The following GALNT10 variants were observed in gnomAD, a reference collection of about 807,000 sequenced individuals.
GALNT10 encodes polypeptide N-acetylgalactosaminyltransferase 10.
In GALNT10, 41 loss-of-function variants were observed where a neutral mutation model predicts 75.0. The observed-to-expected ratio is 0.55, with a 90% CI of 0.43 to 0.71. GALNT10 has a LOEUF of 0.71. Ranked by LOEUF, GALNT10 falls within the 30% of genes least tolerant of loss-of-function variation. GALNT10 has a pLI of 0.00. For missense variants in GALNT10, 727 were observed against 818.5 expected, an observed-to-expected ratio of 0.89 and a Z score of 1.36; for synonymous variants, 302 against 313.0, an observed-to-expected ratio of 0.96 and a Z score of 0.37.
Position 154,213,582 on chromosome 5 carries a change from A to G in GALNT10, c.159+22557A>G, listed in dbSNP as rs543990806. On this transcript the variant is annotated intron_variant, in intron 1 of 11. Transcript: ENST00000297107. ...TCACAGGATATCAGTCATTCAGGAT[A>G]CAAGTCTATGCCGTGGGGTTATTTT... Among the ~76,000 whole-genome samples the G allele has an allele frequency of 5.9e-5, 9 of 152,280 alleles. No homozygotes were observed. In the South Asian group the frequency reaches 1.7e-3, roughly 28 times the overall value.
At chr5:154,337,483 T>G (rs559484652) in intron 4 of GALNT10, 1 of 722,668 alleles carries the variant, frequency 1.4e-6, no homozygotes, top group African/African-American at 1.7e-5. Context: ...CTCCTGCCAC[T>G]GCCATGGCTA....
Position 154,208,386 on chromosome 5 carries a change from C to T in GALNT10, c.159+17361C>T, listed in dbSNP as rs377410322. Reference sequence around the variant, plus strand: ...CTCTACCTGCCCCTCCCACTCACCTCAGGCTTATAAAGCCATGGATTTGCC... The same window carrying T: ...CTCTACCTGCCCCTCCCACTCACCTTAGGCTTATAAAGCCATGGATTTGCC... On this transcript the variant is annotated intron_variant, in intron 1 of 11. Transcript: ENST00000297107. Among the ~76,000 whole-genome samples, 16 of 152,350 alleles carry T rather than the reference C, an allele frequency of 1.1e-4. No individual in the cohort carries two copies. The East Asian group carries it at 1.4e-3, about 13-fold the overall frequency.
At position 154,418,538 on chromosome 5, in the gene GALNT10, A is replaced by T. The variant is rs887540361; in HGVS notation, c.*1566A>T. 6.6e-6 allele frequency: 1 copy of T among 152,204 alleles called. No homozygotes were observed. Among genetic ancestry groups the T allele is most frequent in the Non-Finnish European group, 1.5e-5 (1 of 68,040 alleles). 9.4% of individuals were successfully genotyped at this position (152,204 alleles called of 1,614,324 possible). A position where few individuals can be genotyped will look rare whatever the true frequency, so the allele number is the denominator to read the frequency against. On this transcript the variant is annotated 3_prime_UTR_variant, in exon 12 of 12. Coordinates refer to ENST00000297107, the MANE Select transcript of GALNT10 (RefSeq NM_198321.4). ...AATACTTGAAATCAGCATTCCAATTAGTGTTGAGTCTCTTGATTGTGTCAT... is the reference window on the plus strand; with the variant it reads ...AATACTTGAAATCAGCATTCCAATTTGTGTTGAGTCTCTTGATTGTGTCAT...
At chr5:154,209,059 C>T (rs1775153767) in intron 1 of GALNT10, among the ~76,000 whole-genome samples, 1 of 152,226 alleles carries the variant, frequency 6.6e-6, no homozygotes, top group African/African-American at 2.4e-5. Context: ...GGAAGACATT[C>T]TGCTACAAAA....
chr5:154,295,080 CCT>C (rs1338658264), intron 2 of GALNT10, among the ~76,000 whole-genome samples, 162 bp downstream of exon 2: 2 of 152,030 alleles, frequency 1.3e-5, no homozygotes, highest in African/African-American at 4.8e-5. Context: ...CATCCCTTCC[CCT>C]GATTCCCAGA....
chr5:154,218,060 G>A, intron 1 of GALNT10: 1 of 985,164 alleles, frequency 1.0e-6, no homozygotes, highest in Non-Finnish European at 1.2e-6. Context: ...GGGCACTGCT[G>A]TTCGACTGAG....
intron 3 of GALNT10, among the ~76,000 whole-genome samples, chr5:154,305,478 A>C (rs1278423033): frequency 6.6e-6 from 1 of 152,224 alleles, no homozygotes; most frequent in Non-Finnish European, 1.5e-5. Context: ...ACACACTTTA[A>C]ATGTAGAGAT....
chr5:154,191,578 G>A (rs935764303), intron 1 of GALNT10, among the ~76,000 whole-genome samples: 4 of 151,922 alleles, frequency 2.6e-5, no homozygotes, highest in Non-Finnish European at 5.9e-5. Flanking sequence ...CCCAACTCTA[G>A]CCTTTTCCTT....
chr5:154,399,508 G>C (rs2113206035), intron 7 of GALNT10, among the ~76,000 whole-genome samples: 1 of 152,314 alleles, frequency 6.6e-6, no homozygotes, highest in Non-Finnish European at 1.5e-5. Flanking sequence ...GATGGCAATG[G>C]TGCCTTCTGC....
At chr5:154,323,646 A>G (rs1754710089) in intron 3 of GALNT10, among the ~76,000 whole-genome samples, 1 of 152,218 alleles carries the variant, frequency 6.6e-6, no homozygotes, top group Non-Finnish European at 1.5e-5. Flanking sequence ...ACCCCTGCTC[A>G]TATTCGAGGA....
At position 154,222,961 on chromosome 5, in the gene GALNT10, G is replaced by A. The variant is rs565910334; in HGVS notation, c.159+31936G>A. Among the ~76,000 whole-genome samples the A allele has an allele frequency of 2.0e-5, 3 of 152,286 alleles. No individual in the cohort carries two copies. The South Asian group carries it at 6.2e-4, about 32-fold the overall frequency. ...ATCTAGAGCATATGGGGTTTCCAGGGATAAGTAAGACATTGAAATTTAACA... is the reference window on the plus strand; with the variant it reads ...ATCTAGAGCATATGGGGTTTCCAGGAATAAGTAAGACATTGAAATTTAACA... On this transcript the variant is annotated intron_variant, in intron 1 of 11. Coordinates refer to ENST00000297107, the MANE Select transcript of GALNT10 (RefSeq NM_198321.4).
rs188435142 is a variant in GALNT10 at position 154,228,325 on chromosome 5, T to C, written c.159+37300T>C. Among the ~76,000 whole-genome samples the C allele has an allele frequency of 1.3e-3, 204 of 152,340 alleles. 2 individuals are homozygous for C. The highest frequency in any genetic ancestry group is 4.6e-3 in the African/African-American group (191 of 41,582). ...AGTTGTTCTGGTATCATTGGTTGAGTAGACTATCATTTCTCCAGTAATTCC... is the reference window on the plus strand; with the variant it reads ...AGTTGTTCTGGTATCATTGGTTGAGCAGACTATCATTTCTCCAGTAATTCC... On this transcript the variant is annotated intron_variant, in intron 1 of 11. Transcript: ENST00000297107.
At chr5:154,361,728 G>T (rs1277891595) in intron 4 of GALNT10, among the ~76,000 whole-genome samples, 1 of 152,198 alleles carries the variant, frequency 6.6e-6, no homozygotes, top group Admixed American at 6.5e-5. Flanking sequence ...TGGGTTAATT[G>T]GTGGTGTTTA....
At chr5:154,383,780 G>A (rs1362655171) in intron 6 of GALNT10, among the ~76,000 whole-genome samples, 1 of 152,196 alleles carries the variant, frequency 6.6e-6, no homozygotes, top group Admixed American at 6.5e-5. Flanking sequence ...TCAATCTCCA[G>A]AAGACAAAGG....
intron 4 of GALNT10, among the ~76,000 whole-genome samples, chr5:154,360,709 G>A (rs187315592): frequency 1.3e-5 from 2 of 152,244 alleles, no homozygotes; most frequent in East Asian, 3.9e-4. Context: ...TAAAGATCAT[G>A]GTCAAAAGAA....
chr5:154,314,342 T>G (rs1178516006), intron 3 of GALNT10, among the ~76,000 whole-genome samples: 1 of 152,048 alleles, frequency 6.6e-6, no homozygotes, highest in Non-Finnish European at 1.5e-5. Context: ...CCCAAGGAAG[T>G]GCCCTTCCTA....
chr5:154,316,294 G>A (rs543439034), intron 3 of GALNT10, among the ~76,000 whole-genome samples: 1 of 152,308 alleles, frequency 6.6e-6, no homozygotes, highest in South Asian at 2.1e-4. Context: ...TTTGTGTTGG[G>A]ACTAAACTGA....
intron 7 of GALNT10, among the ~76,000 whole-genome samples, chr5:154,396,572 C>A (rs1332085414): frequency 6.6e-6 from 1 of 152,210 alleles, no homozygotes; most frequent in African/African-American, 2.4e-5. Context: ...ATTTTGGGTT[C>A]TGCCATTTAT....
intron 1 of GALNT10, among the ~76,000 whole-genome samples, chr5:154,232,048 G>A (rs1181551805): frequency 1.3e-5 from 2 of 152,194 alleles, no homozygotes; most frequent in African/African-American, 2.4e-5. Flanking sequence ...CAGGAGCTCA[G>A]CAAACTACCA....
Sources: allele counts gnomAD v4.1 joint callset (sites outside exome capture counted in the v4.1 genomes callset), GRCh38; gene constraint gnomAD v4.1.1; transcripts MANE v1.5; gene names NCBI Gene and HGNC (gene_info 2026-07-23, HGNC 2026-07-21).